Variants in PTPRQ observed in about 807,000 individuals in gnomAD.
PTPRQ encodes phosphatidylinositol phosphatase PTPRQ.
A neutral mutation model predicts 246.0 loss-of-function variants in PTPRQ; 199 were observed. The ratio of observed to expected loss-of-function variants is 0.81; its 90% CI spans 0.72 to 0.91. The LOEUF (loss-of-function observed/expected upper bound fraction) is 0.91. Ranked by LOEUF, PTPRQ falls within the 40% of genes least tolerant of loss-of-function variation. The probability of loss-of-function intolerance (pLI) is 0.00; values close to 1 mark genes in which losing one functional copy is unlikely to be tolerated. For missense variants in PTPRQ, 2,624 were observed against 2,528.4 expected (o/e 1.04, Z -0.81); for synonymous variants, 869 against 853.2 (o/e 1.02, Z -0.32).
chr12:80,553,915 G>T (rs999803433), intron 25 of PTPRQ, among the ~76,000 whole-genome samples: 1 of 152,158 alleles, frequency 6.6e-6, no homozygotes, highest in African/African-American at 2.4e-5. Context: ...GCATAACGTG[G>T]ATGGAACTGG....
At chr12:80,515,562 A>G (rs759122991) in intron 17 of PTPRQ, among the ~76,000 whole-genome samples, 11 of 151,714 alleles carry the variant, frequency 7.3e-5, no homozygotes, top group Non-Finnish European at 1.5e-4. Context: ...CTGGGATTAC[A>G]GGTGCCCATT....
intron 3 of PTPRQ, among the ~76,000 whole-genome samples, chr12:80,456,898 T>C (rs898080414): frequency 6.6e-6 from 1 of 152,126 alleles, no homozygotes; most frequent in African/African-American, 2.4e-5. Flanking sequence ...AAATGTTACT[T>C]ACAACAGTTA....
intron 34 of PTPRQ, 99 bp from the exon 35 acceptor site, chr12:80,634,846 A>G: frequency 2.1e-6 from 3 of 1,461,950 alleles, no homozygotes; most frequent in Non-Finnish European, 2.7e-6. Context: ...TAACAAGGAA[A>G]TTATTTGACT....
At chr12:80,497,856 T>C (rs1894676296) in intron 14 of PTPRQ, among the ~76,000 whole-genome samples, 1 of 152,074 alleles carries the variant, frequency 6.6e-6, no homozygotes, top group Non-Finnish European at 1.5e-5. Flanking sequence ...AGGTCACAAA[T>C]GGCCAAATAT....
rs549625861 is a variant in PTPRQ, at chr12:80,551,975, T to G, written c.4285+2241T>G. On this transcript the variant is annotated intron_variant, in intron 25 of 44. Coordinates refer to ENST00000644991, the MANE Select transcript of PTPRQ (RefSeq NM_001145026.2). ...TTCCCTTTCTATGACACATAAAATT[T>G]TATTCATTTTTAAAAGCCCAGCTTA... Among the ~76,000 whole-genome samples, 30 of 152,192 alleles carry G rather than the reference T, an allele frequency of 2.0e-4. No individual in the cohort carries two copies. In the South Asian group the frequency reaches 5.8e-3, roughly 29 times the overall value.
intron 33 of PTPRQ, among the ~76,000 whole-genome samples, chr12:80,624,383 G>A (rs1436750605): frequency 1.3e-5 from 2 of 152,186 alleles, no homozygotes; most frequent in African/African-American, 4.8e-5. Context: ...TCCTTAGAGT[G>A]ATCTTCCAGG....
At chr12:80,469,466 AT>A (rs1466842308) in intron 7 of PTPRQ, among the ~76,000 whole-genome samples, 1 of 152,176 alleles carries the variant, frequency 6.6e-6, no homozygotes. Flanking sequence ...TTAGAAGTGA[AT>A]TATGTAAAGT....
rs941056019 is a variant in PTPRQ at position 80,522,604 on chromosome 12, G to A, written c.2679-11411G>A. 3.9e-5 allele frequency among the ~76,000 whole-genome samples: 6 copies of A among 152,112 alleles called. No individual in the cohort carries two copies. In the East Asian group the frequency reaches 1.2e-3, roughly 29 times the overall value. Reference sequence around the variant, plus strand: ...TTGAATTTTGTCAAAGGCCTTTTCTGCATCTATTGAGATAATCATGTGGTT... The same window carrying A: ...TTGAATTTTGTCAAAGGCCTTTTCTACATCTATTGAGATAATCATGTGGTT... On this transcript the variant is annotated intron_variant, in intron 17 of 44. Coordinates refer to ENST00000644991, the MANE Select transcript of PTPRQ (RefSeq NM_001145026.2).
chr12:80,596,085 T>C (rs1021238153), intron 26 of PTPRQ, among the ~76,000 whole-genome samples: 1 of 151,968 alleles, frequency 6.6e-6, no homozygotes, highest in Admixed American at 6.6e-5. Context: ...AATAAGTATG[T>C]ATAGTGAGAC....
At chr12:80,540,773 T>C (rs1176975514) in intron 20 of PTPRQ, among the ~76,000 whole-genome samples, 3 of 152,092 alleles carry the variant, frequency 2.0e-5, no homozygotes, top group African/African-American at 7.2e-5. Flanking sequence ...TGGGGAGTCT[T>C]TAGCAAAAAT....
chr12:80,578,546 A>G (rs1416933208), intron 25 of PTPRQ, among the ~76,000 whole-genome samples: 2 of 151,462 alleles, frequency 1.3e-5, no homozygotes, highest in African/African-American at 4.9e-5. Context: ...GCCTGCCACT[A>G]CGCCCGGCTA....
At chr12:80,600,502 C>A (rs1242071864) in intron 26 of PTPRQ, among the ~76,000 whole-genome samples, 7 of 151,656 alleles carry the variant, frequency 4.6e-5, no homozygotes, top group African/African-American at 9.7e-5. Flanking sequence ...GAAATTTTTC[C>A]AGATACAAGC....
At chr12:80,452,475 A>G (rs1565712696) in intron 3 of PTPRQ, among the ~76,000 whole-genome samples, 1 of 152,062 alleles carries the variant, frequency 6.6e-6, no homozygotes, top group Non-Finnish European at 1.5e-5. Flanking sequence ...GGTCTTTACA[A>G]TTTGGCATGA....
At chr12:80,662,585 T>G (rs1447083933) in intron 39 of PTPRQ, among the ~76,000 whole-genome samples, 1 of 152,052 alleles carries the variant, frequency 6.6e-6, no homozygotes, top group Non-Finnish European at 1.5e-5. Flanking sequence ...ATATTTCAAT[T>G]ATTCACTGAA....
chr12:80,625,205 A>G (rs193252926), intron 33 of PTPRQ, among the ~76,000 whole-genome samples: 32 of 152,338 alleles, frequency 2.1e-4, no homozygotes, highest in South Asian at 4.1e-4. Context: ...TCAGAAGATG[A>G]CAAAGGGTGA....
At chr12:80,630,227 T>C (rs547541881) in intron 33 of PTPRQ, among the ~76,000 whole-genome samples, 1 of 152,286 alleles carries the variant, frequency 6.6e-6, no homozygotes, top group Non-Finnish European at 1.5e-5. Flanking sequence ...TTAAAGAGCC[T>C]TCTTTTCTCC....
At chr12:80,467,606 C>G (rs1291451885) in intron 6 of PTPRQ, among the ~76,000 whole-genome samples, 1 of 152,084 alleles carries the variant, frequency 6.6e-6, no homozygotes. Flanking sequence ...TGCAACCAAC[C>G]CAAATGTCCA....
chr12:80,540,971 C>T (rs1896133013), intron 20 of PTPRQ, among the ~76,000 whole-genome samples: 1 of 152,010 alleles, frequency 6.6e-6, no homozygotes, highest in African/African-American at 2.4e-5. Context: ...CACAATACAA[C>T]TTATATCTGA....
chr12:80,585,555 G>C (rs1455326104), intron 25 of PTPRQ, among the ~76,000 whole-genome samples: 3 of 152,088 alleles, frequency 2.0e-5, no homozygotes, highest in African/African-American at 7.2e-5. Context: ...CCATGACAAT[G>C]TCCTCTAGTG....
Sources: allele counts gnomAD v4.1 joint callset (sites outside exome capture counted in the v4.1 genomes callset), GRCh38; gene constraint gnomAD v4.1.1; transcripts MANE v1.5; gene names NCBI Gene and HGNC (gene_info 2026-07-23, HGNC 2026-07-21).